EFCAB8: variants seen among roughly 807,000 people sequenced by gnomAD.
EFCAB8 encodes EF-hand calcium-binding domain-containing protein 8.
Under a neutral mutation model 116.3 loss-of-function variants are expected in EFCAB8, and 100 were observed. That is an observed-to-expected ratio of 0.86 (90% confidence interval 0.73 to 1.02). The LOEUF (loss-of-function observed/expected upper bound fraction) is 1.02. Ranked by LOEUF, EFCAB8 falls within the 50% of genes least tolerant of loss-of-function variation. EFCAB8 has a pLI of 0.00. For synonymous variants in EFCAB8, 558 were observed against 567.9 expected (o/e 0.98, Z 0.25); for missense variants, 1,320 against 1,416.9 (o/e 0.93, Z 1.10).
Position 32,920,063 on chromosome 20 carries a change from C to T in EFCAB8, c.2275-15C>T, listed in dbSNP as rs752413347. ...ACACCCTCATGGTGACTTGGGTGCC[C>T]ATCTTTCTTTCCAGAAACCTTCCAG... On this transcript the variant is annotated splice_polypyrimidine_tract_variant and intron_variant, in intron 19 of 26. Transcript: ENST00000400522. The T allele has an allele frequency of 2.6e-6, 4 of 1,551,676 alleles. 1 individual carries two copies. In the East Asian group the frequency reaches 9.8e-5, roughly 38 times the overall value.
chr20:32,911,890 A>G (rs1986944207), intron 16 of EFCAB8, among the ~76,000 whole-genome samples, 183 bp downstream of exon 16: 1 of 152,208 alleles, frequency 6.6e-6, no homozygotes, highest in Non-Finnish European at 1.5e-5. Flanking sequence ...GACAGGTAAC[A>G]GTGCCTGGAC....
At chr20:32,940,701 A>C (rs1644482711) in intron 22 of EFCAB8, among the ~76,000 whole-genome samples, 1 of 150,074 alleles carries the variant, frequency 6.7e-6, no homozygotes, top group Non-Finnish European at 1.5e-5. Flanking sequence ...GAATATATAA[A>C]GCACTCTTGC....
At chr20:32,881,595 C>A (rs150713149) in intron 5 of EFCAB8, among the ~76,000 whole-genome samples, 3 of 152,290 alleles carry the variant, frequency 2.0e-5, no homozygotes, top group African/African-American at 7.2e-5. Flanking sequence ...AGCTAGTATT[C>A]CTCCTTTTCT....
At chr20:32,868,356 C>T (rs947060163) in intron 3 of EFCAB8, among the ~76,000 whole-genome samples, 3 of 152,176 alleles carry the variant, frequency 2.0e-5, no homozygotes, top group African/African-American at 4.8e-5. Flanking sequence ...AGCCACTGTG[C>T]CCAACCCTGA....
At chr20:32,877,207 C>CTTTTTT (rs757130907) in intron 4 of EFCAB8, among the ~76,000 whole-genome samples, 3,034 of 114,848 alleles carry the variant, frequency 0.026, 227 homozygotes, top group Middle Eastern at 0.05. Flanking sequence ...TTATTTCTTT[C>CTTTTTT]TTTTTTTTTT....
intron 3 of EFCAB8, among the ~76,000 whole-genome samples, chr20:32,872,034 G>A (rs1984707744): frequency 6.6e-6 from 1 of 152,208 alleles, no homozygotes; most frequent in Non-Finnish European, 1.5e-5. Context: ...CACCTTGGCT[G>A]TAACTCCAGA....
At position 32,961,511 on chromosome 20, in the gene EFCAB8, A is replaced by C; in HGVS notation, c.3769A>C (p.Thr1257Pro). Residue 1257 changes from threonine (T) to proline (P), a missense_variant, in exon 27 of 27, where the codon ACC (threonine) becomes CCC (proline). By Grantham distance (38) the Thr-to-Pro change is conservative (BLOSUM62 -1). Transcript: ENST00000400522. Reference protein sequence around the residue: ...VSKSTLQGSVTPKHIVSSFER... With the variant: ...VSKSTLQGSVPPKHIVSSFER... ...CAAGTCCACCCTGCAGGGGTCAGTGACCCCCAAGCACATTGTCTCCTCCTT... is the reference window on the plus strand; with the variant it reads ...CAAGTCCACCCTGCAGGGGTCAGTGCCCCCCAAGCACATTGTCTCCTCCTT... 7.0e-7 allele frequency: 1 copy of C among 1,420,782 alleles called. No homozygotes were observed. The highest frequency in any genetic ancestry group is 1.7e-5 in the South Asian group (1 of 59,406). 88.0% of individuals were successfully genotyped at this position (1,420,782 alleles called of 1,614,324 possible).
At chr20:32,872,780 C>T (rs1460396775) in intron 3 of EFCAB8, among the ~76,000 whole-genome samples, 3 of 144,286 alleles carry the variant, frequency 2.1e-5, no homozygotes, top group African/African-American at 5.3e-5. Context: ...GGCAACAGAG[C>T]GAGACTCCAT....
rs553313069 is a variant in EFCAB8, at chr20:32,902,260, G to A, written c.1088+3637G>A. 2.6e-5 allele frequency among the ~76,000 whole-genome samples: 4 copies of A among 152,258 alleles called. No homozygotes were observed. The East Asian group carries it at 7.7e-4, about 29-fold the overall frequency. Reference sequence around the variant, plus strand: ...CAGGGGTGGTGGTGAACACACCAGTGAGGAGGCCATTGCAATAGTTGAGGC... The same window carrying A: ...CAGGGGTGGTGGTGAACACACCAGTAAGGAGGCCATTGCAATAGTTGAGGC... On this transcript the variant is annotated intron_variant, in intron 11 of 26. Transcript: ENST00000400522.
At chr20:32,882,554 T>C (rs1258643823) in intron 5 of EFCAB8, among the ~76,000 whole-genome samples, 1 of 152,218 alleles carries the variant, frequency 6.6e-6, no homozygotes, top group Non-Finnish European at 1.5e-5. Flanking sequence ...AAGGTCTTGC[T>C]CTGTGGCCCA....
chr20:32,903,167 C>T (rs890664577), intron 11 of EFCAB8, among the ~76,000 whole-genome samples: 8 of 152,230 alleles, frequency 5.3e-5, no homozygotes, highest in Non-Finnish European at 1.0e-4. Context: ...CATGTCCTCT[C>T]ATGCCCTCTC....
At chr20:32,920,057 G>GGTGCCCATCTTT (rs1475413633) in intron 19 of EFCAB8, 21 bp from the exon 20 acceptor site, 1 of 1,551,646 alleles carries the variant, frequency 6.4e-7, no homozygotes, top group East Asian at 2.4e-5. Flanking sequence ...TGGTGACTTG[G>GGTGCCCATCTTT]GTGCCCATCT....
intron 22 of EFCAB8, among the ~76,000 whole-genome samples, chr20:32,935,192 C>CTTTCTTTTTTT (rs1988064158): frequency 2.9e-5 from 1 of 34,038 alleles, no homozygotes; most frequent in African/African-American, 1.8e-4. Context: ...TTCTTTCTTT[C>CTTTCTTTTTTT]TTTTTTTTTT....
intron 23 of EFCAB8, among the ~76,000 whole-genome samples, chr20:32,952,147 C>T (rs1988816450): frequency 6.6e-6 from 1 of 151,970 alleles, no homozygotes. Flanking sequence ...TGTCTATAGT[C>T]CCAGCTATTC....
At chr20:32,941,925 T>C (rs1258127487) in intron 22 of EFCAB8, among the ~76,000 whole-genome samples, 1 of 152,242 alleles carries the variant, frequency 6.6e-6, no homozygotes, top group East Asian at 1.9e-4. Flanking sequence ...TTTTCACAAA[T>C]GTTTTTTGTT....
chr20:32,908,835 G>A (rs753474826), intron 14 of EFCAB8, among the ~76,000 whole-genome samples: 10 of 152,330 alleles, frequency 6.6e-5, no homozygotes, highest in Non-Finnish European at 1.3e-4. Context: ...GGCCACGTCC[G>A]AGCAGCATCT....
Position 32,943,627 on chromosome 20 carries a change from C to T in EFCAB8, c.2791-9C>T, listed in dbSNP as rs138158930. On this transcript the variant is annotated splice_polypyrimidine_tract_variant and intron_variant, in intron 22 of 26. Transcript: ENST00000400522. ...GGTAAAAGTGTTTCTCCTGTACTGT[C>T]CCCTATAGGTTGTGGCTGGCCATAC... 1.0e-4 allele frequency: 43 copies of T among 417,008 alleles called. No individual in the cohort carries two copies. Among genetic ancestry groups the T allele is most frequent in the African/African-American group, 6.1e-4 (30 of 48,800 alleles). 25.8% of individuals were successfully genotyped at this position (417,008 alleles called of 1,614,324 possible). A position where few individuals can be genotyped will look rare whatever the true frequency, so the allele number is the denominator to read the frequency against.
intron 6 of EFCAB8, among the ~76,000 whole-genome samples, 174 bp from the exon 7 acceptor site, chr20:32,889,127 C>T (rs1160396889): frequency 1.3e-5 from 2 of 152,098 alleles, no homozygotes; most frequent in Admixed American, 1.3e-4. Context: ...AACTGAGACC[C>T]AGGGAGGCTA....
At chr20:32,907,604 G>A (rs1054977177) in intron 13 of EFCAB8, among the ~76,000 whole-genome samples, 5 of 152,238 alleles carry the variant, frequency 3.3e-5, no homozygotes, top group Non-Finnish European at 7.3e-5. Flanking sequence ...ATGGAGAATT[G>A]TCAGGGCCCT....
Sources: allele counts gnomAD v4.1 joint callset (sites outside exome capture counted in the v4.1 genomes callset), GRCh38; gene constraint gnomAD v4.1.1; transcripts MANE v1.5; gene names NCBI Gene and HGNC (gene_info 2026-07-23, HGNC 2026-07-21).